ACP4: variants seen among roughly 807,000 people sequenced by gnomAD.
The protein encoded by ACP4 is acid phosphatase 4, also known as testicular acid phosphatase.
A neutral mutation model predicts 47.3 loss-of-function variants in ACP4; 49 were observed. The observed-to-expected ratio is 1.04, with a 90% CI of 0.82 to 1.32. The LOEUF is 1.32. ACP4 is among the 40% of genes most tolerant of loss of function. The probability of loss-of-function intolerance (pLI) is 0.00; values close to 1 mark genes in which losing one functional copy is unlikely to be tolerated. For missense variants in ACP4, 594 were observed against 579.3 expected, an observed-to-expected ratio of 1.03 and a Z score of -0.26; for synonymous variants, 299 against 265.3, an observed-to-expected ratio of 1.13 and a Z score of -1.23.
At chr19:50,791,284 C>T (rs915429750) in intron 3 of ACP4, among the ~76,000 whole-genome samples, 1 of 152,132 alleles carries the variant, frequency 6.6e-6, no homozygotes, top group African/African-American at 2.4e-5. Context: ...CTTCTGACAT[C>T]CCCCAGCTAC....
rs769030421 is a variant in ACP4 at position 50,792,137 on chromosome 19, C to T, written c.515C>T (p.Ala172Val). ...YHELLREATE[A>V]AEYQEALEGW... ...GAGCTGCTGCGGGAGGCCACCGAGG[C>T]CGCCGAGTACCAGGAGGCCCTGGAG... The change falls in exon 5 of 11, where the codon GCC (alanine) becomes GTC (valine). Residue 172 changes from alanine (A) to valine (V), a missense_variant. By Grantham distance (64) the Ala-to-Val change is moderately conservative (BLOSUM62 0). Transcript: ENST00000270593. The T allele has an allele frequency of 1.9e-6, 3 of 1,608,464 alleles. No individual in the cohort carries two copies. The East Asian group carries it at 6.7e-5, about 36-fold the overall frequency.
rs779533887 is a variant in ACP4, at chr19:50,790,605, T to C, written c.123T>C (p.His41=). 59 of 1,550,948 alleles carry C rather than the reference T, an allele frequency of 3.8e-5. 1 individual carries two copies. In the South Asian group the frequency reaches 6.5e-4, roughly 17 times the overall value. ...PLVFVALVFR[H]GDRAPLASYP... ...AGTCCTGTCCCCAGGTATTCCGCCATGGCGACCGGGCCCCGCTGGCCTCCT... is the reference window on the plus strand; with the variant it reads ...AGTCCTGTCCCCAGGTATTCCGCCACGGCGACCGGGCCCCGCTGGCCTCCT... Residue 41 remains histidine, a synonymous_variant, in exon 2 of 11, where the codon CAT becomes CAC. Transcript: ENST00000270593.
Position 50,793,939 on chromosome 19 carries a change from G to T in ACP4, c.830G>T (p.Gly277Val). The change falls in exon 8 of 11, where the codon GGG becomes GTG. Residue 277 changes from glycine (G) to valine (V), a missense_variant. Coordinates refer to ENST00000270593, the MANE Select transcript of ACP4 (RefSeq NM_033068.3). ...LANFSRVQRL[G>V]LPLKMVMYSA... is the part of the protein sequence containing the mutation. ...AACTTCTCCCGGGTCCAGCGCCTGG[G>T]GCTGCCCCTCAAGATGGTCATGTAC... The T allele has an allele frequency of 1.2e-6, 2 of 1,614,088 alleles. No individual in the cohort carries two copies. The highest frequency in any genetic ancestry group is 1.6e-4 in the Middle Eastern group (1 of 6,062).
chr19:50,793,353 T>G, intron 6 of ACP4: 1 of 234,308 alleles, frequency 4.3e-6, no homozygotes, highest in Non-Finnish European at 8.2e-6. Context: ...CTACTAAAAA[T>G]AAAAAAAAAA....
At chr19:50,794,691 T>C in intron 9 of ACP4, 95 bp from the exon 10 acceptor site, 23 of 1,585,842 alleles carry the variant, frequency 1.5e-5, no homozygotes, top group Non-Finnish European at 1.9e-5. Flanking sequence ...GGGATGATGC[T>C]GGGAGGATGA....
At chr19:50,794,670 G>A (rs981148029) in intron 9 of ACP4, 89 bp downstream of exon 9, 5 of 1,602,688 alleles carry the variant, frequency 3.1e-6, no homozygotes, top group Non-Finnish European at 4.3e-6. Context: ...TGGCCAGGTG[G>A]GGAGCTGCAT....
At chr19:50,792,193 G>A in intron 5 of ACP4, 22 bp downstream of exon 5, 1 of 1,610,978 alleles carries the variant, frequency 6.2e-7, no homozygotes, top group Non-Finnish European at 8.5e-7. Flanking sequence ...GGCGGTGGGG[G>A]GCGGGATGCA....
At chr19:50,794,678 C>T in intron 9 of ACP4, 97 bp downstream of exon 9, 1 of 1,598,592 alleles carries the variant, frequency 6.3e-7, no homozygotes, top group East Asian at 2.2e-5. Context: ...TGGGGAGCTG[C>T]ATGGGATGAT....
intron 9 of ACP4, 31 bp from the exon 10 acceptor site, chr19:50,794,755 G>C: frequency 6.3e-7 from 1 of 1,577,624 alleles, no homozygotes; most frequent in Non-Finnish European, 8.6e-7. Flanking sequence ...TGACAGGAGG[G>C]AGGAGGTGCC....
chr19:50,794,629 A>G (rs1421557520), intron 9 of ACP4, 48 bp downstream of exon 9: 1 of 1,613,408 alleles, frequency 6.2e-7, no homozygotes, highest in Non-Finnish European at 8.5e-7. Flanking sequence ...AGAACTCTCA[A>G]AGCAAGGGGT....
intron 4 of ACP4, 26 bp downstream of exon 4, chr19:50,791,828 CGAGG>C: frequency 6.4e-7 from 1 of 1,568,234 alleles, no homozygotes. Context: ...CCACGTGTGG[CGAGG>C]GAGGGAGCGG....
intron 8 of ACP4, 85 bp downstream of exon 8, chr19:50,794,055 C>T: frequency 6.7e-7 from 1 of 1,493,756 alleles, no homozygotes; most frequent in Non-Finnish European, 9.3e-7. Context: ...AGCCTGTGGT[C>T]CCAGTGGATC....
rs768573657 is a variant in ACP4 at position 50,795,153 on chromosome 19, G to C, written c.1276G>C (p.Val426Leu). Reference protein sequence around the residue: ...PGCLRALGGPV With the variant: ...PGCLRALGGPL ...GTGCCTGCGGGCCTTGGGGGGCCCC[G>C]TGTGAGCCAGAAACCAGGGCTTCCC... The change falls in exon 11 of 11, where the codon GTG becomes CTG. Residue 426 changes from valine to leucine, a missense_variant. Transcript: ENST00000270593. 1 of 1,541,320 alleles carries C rather than the reference G, an allele frequency of 6.5e-7. No homozygotes were observed. Among genetic ancestry groups the C allele is most frequent in the South Asian group, 1.2e-5 (1 of 84,504 alleles).
chr19:50,794,531 C>T lies in ACP4; in HGVS notation c.936C>T (p.Cys312=), dbSNP rs1223718093. ...GACACACCCCGCCATATGCTGCCTG[C>T]CTCGGCTTTGAGTTCCGGAAGCACC... ...YDGHTPPYAA[C]LGFEFRKHLG... is the part of the protein sequence containing the mutation. The change falls in exon 9 of 11, where the codon TGC becomes TGT. Residue 312 remains cysteine, a synonymous_variant. Transcript: ENST00000270593. 1.2e-6 allele frequency: 2 copies of T among 1,613,938 alleles called. No homozygotes were observed. Among genetic ancestry groups the T allele is most frequent in the African/African-American group, 1.3e-5 (1 of 74,922 alleles).
chr19:50,791,213 T>C (rs2089502918), intron 3 of ACP4, among the ~76,000 whole-genome samples: 1 of 152,138 alleles, frequency 6.6e-6, no homozygotes, highest in Non-Finnish European at 1.5e-5. Context: ...CCTCTTGACC[T>C]CTAACCTTTA....
At chr19:50,792,503 C>T (rs543976670) in intron 6 of ACP4, 166 bp downstream of exon 6, 13 of 652,010 alleles carry the variant, frequency 2.0e-5, no homozygotes, top group East Asian at 1.1e-4. Flanking sequence ...CTCCCCAGGA[C>T]GCTGTGAGGA....
At chr19:50,794,632 C>CAAGG (rs2089540148) in intron 9 of ACP4, 51 bp downstream of exon 9, 1 of 1,613,008 alleles carries the variant, frequency 6.2e-7, no homozygotes, top group East Asian at 2.2e-5. Flanking sequence ...ACTCTCAAAG[C>CAAGG]AAGGGGTGAT....
Position 50,791,516 on chromosome 19 carries a change from A to G in ACP4, c.304-140A>G, listed in dbSNP as rs10412900. ...ATTAGCCTCTGGACCCTTGATCCCA[A>G]CTTCCAACTTCGAAGGCCACATGAT... On this transcript the variant is annotated intron_variant, in intron 3 of 10. Coordinates refer to ENST00000270593, the MANE Select transcript of ACP4 (RefSeq NM_033068.3). 0.094 allele frequency: 119,740 copies of G among 1,268,538 alleles called. 6,745 individuals carry two copies. The highest frequency in any genetic ancestry group is 0.24 in the African/African-American group (15,942 of 67,672). 78.6% of individuals were successfully genotyped at this position (1,268,538 alleles called of 1,614,324 possible).
At chr19:50,793,441 A>G (rs266127) in intron 6 of ACP4, 232,772 of 511,240 alleles carry the variant, frequency 0.46, 56,841 homozygotes, top group East Asian at 0.78. Flanking sequence ...CCTGAACCCG[A>G]GAGGCAAGGG....
Sources: gnomAD v4.1 joint callset for allele counts (sites outside exome capture counted in the v4.1 genomes callset) on GRCh38, gnomAD v4.1.1 for gene constraint, MANE v1.5 for transcripts, NCBI Gene and HGNC (gene_info 2026-07-23, HGNC 2026-07-21) for gene names.